The following FANCA variants were observed in gnomAD, a reference collection of about 807,000 sequenced individuals.
FANCA encodes the protein FA complementation group A.
Under a neutral mutation model 194.3 loss-of-function variants are expected in FANCA, and 236 were observed. That is an observed-to-expected ratio of 1.21 (90% CI 1.09 to 1.35). FANCA has a LOEUF of 1.35. Among genes scored for constraint, FANCA ranks in the 40% most tolerant of loss-of-function variants. The pLI, the probability that FANCA is intolerant of heterozygous loss-of-function variation, is 0.00. For missense variants in FANCA, 2,628 were observed against 1,813.9 expected, an observed-to-expected ratio of 1.45 and a Z score of -8.15; for synonymous variants, 1,014 against 715.8, an observed-to-expected ratio of 1.42 and a Z score of -6.65.
chr16:89,743,008 T>A lies in FANCA; in HGVS notation c.3627-70A>T, dbSNP rs945677033. 6 of 1,563,158 alleles carry A rather than the reference T, an allele frequency of 3.8e-6. No individual in the cohort carries two copies. In the African/African-American group the frequency reaches 8.2e-5, roughly 21 times the overall value. On this transcript the variant is annotated intron_variant, in intron 36 of 42. Transcript: ENST00000389301. ...CAACCACGCCATAGAAACCAAGTCC[T>A]TATTCCCACCTGTCACCTTTGGGGC...
At chr16:89,766,793 AG>A (rs1365068145) in intron 27 of FANCA, among the ~76,000 whole-genome samples, 1 of 152,220 alleles carries the variant, frequency 6.6e-6, no homozygotes, top group Non-Finnish European at 1.5e-5. Context: ...TCTTCTTTCC[AG>A]GGAAAGATAC....
At chr16:89,739,860 T>G in intron 39 of FANCA, 134 bp downstream of exon 39, 1 of 1,533,998 alleles carries the variant, frequency 6.5e-7, no homozygotes, top group Non-Finnish European at 8.7e-7. Flanking sequence ...TTGTGCTTAA[T>G]CTGTCCCAAC....
At chr16:89,798,559 G>C (rs1272051637) in intron 10 of FANCA, 19 of 1,134,466 alleles carry the variant, frequency 1.7e-5, no homozygotes, top group East Asian at 4.1e-5. Flanking sequence ...GCCCACACTA[G>C]AGGGAAGCAA....
rs935242999 is a variant in FANCA at position 89,737,591 on chromosome 16, A to C, written c.*1010T>G. 2.4e-6 allele frequency: 2 copies of C among 827,060 alleles called. No homozygotes were observed. Among genetic ancestry groups the C allele is most frequent in the African/African-American group, 3.4e-5 (2 of 58,156 alleles). The allele number at this position is 827,060 out of a possible 1,614,324, so 51.2% of individuals were successfully genotyped here. A position where few individuals can be genotyped will look rare whatever the true frequency, so the allele number is the denominator to read the frequency against. On this transcript the variant is annotated 3_prime_UTR_variant, in exon 43 of 43. Transcript: ENST00000389301. ...TGAGGTTTCTTTAAAAACCATCCTG[A>C]AATGCACACAGCTGATGAAGCCACG...
intron 15 of FANCA, among the ~76,000 whole-genome samples, chr16:89,784,497 G>C (rs955403519): frequency 3.3e-5 from 5 of 150,862 alleles, no homozygotes; most frequent in African/African-American, 1.2e-4. Flanking sequence ...CTGCGTAACT[G>C]GGTGCTGAGA....
Position 89,791,399 on chromosome 16 carries a change from T to C in FANCA, c.1359+4A>G, listed in dbSNP as rs35476732. ...ATTAGGTAGCCGATTGGCAGGTCAC[T>C]TACCTTGAACCAGTCTGCATATGAC... On this transcript the variant is annotated splice_donor_region_variant and intron_variant, in intron 14 of 42. Transcript: ENST00000389301. The C allele has an allele frequency of 1.9e-6, 3 of 1,613,646 alleles. No individual in the cohort carries two copies.
At chr16:89,760,328 G>C (rs1047234093) in intron 29 of FANCA, among the ~76,000 whole-genome samples, 20 of 152,220 alleles carry the variant, frequency 1.3e-4, no homozygotes, top group African/African-American at 3.9e-4. Flanking sequence ...TTTTCTTTTT[G>C]TGGCCCCTAT....
intron 17 of FANCA, among the ~76,000 whole-genome samples, chr16:89,781,763 G>A (rs972838763): frequency 2.0e-5 from 3 of 151,606 alleles, no homozygotes; most frequent in Non-Finnish European, 4.4e-5. Flanking sequence ...ACTTTGAGAG[G>A]CCGAGACGGG....
intron 18 of FANCA, among the ~76,000 whole-genome samples, chr16:89,779,302 TG>T (rs1353969478): frequency 6.6e-6 from 1 of 152,138 alleles, no homozygotes; most frequent in Non-Finnish European, 1.5e-5. Flanking sequence ...GCAATTTCCT[TG>T]GAGCTAAATT....
intron 5 of FANCA, among the ~76,000 whole-genome samples, chr16:89,809,941 G>A (rs1038769845): frequency 6.6e-6 from 1 of 152,014 alleles, no homozygotes; most frequent in Non-Finnish European, 1.5e-5. Flanking sequence ...CAGGACAATC[G>A]CTTGAACCTG....
Position 89,792,017 on chromosome 16 carries a change from G to T in FANCA, c.1135C>A (p.Leu379Met). Residue 379 changes from leucine to methionine, a missense_variant, in exon 13 of 43, where the codon CTG becomes ATG. Leu to Met is a conservative substitution (Grantham distance 15, BLOSUM62 2). Transcript: ENST00000389301. The part of the protein sequence containing the change: ...EELVGHLQEV[L>M]ETQEVHWQRV... ...TGCCAGTGAACCTCCTGCGTTTCCAGAACTTCTTGCAAATGGCCAACCAAC... is the reference window on the plus strand; with the variant it reads ...TGCCAGTGAACCTCCTGCGTTTCCATAACTTCTTGCAAATGGCCAACCAAC... 1 of 1,614,220 alleles carries T rather than the reference G, an allele frequency of 6.2e-7. No individual in the cohort carries two copies. The highest frequency in any genetic ancestry group is 8.5e-7 in the Non-Finnish European group (1 of 1,180,046).
chr16:89,810,899 C>T, intron 4 of FANCA, 30 bp downstream of exon 4: 1 of 1,614,132 alleles, frequency 6.2e-7, no homozygotes, highest in Non-Finnish European at 8.5e-7. Flanking sequence ...TAACAACGGG[C>T]AGGTTTCCTC....
At chr16:89,799,083 GA>G (rs1567641671) in intron 10 of FANCA, 82 bp downstream of exon 10, 1 of 1,614,212 alleles carries the variant, frequency 6.2e-7, no homozygotes, top group Non-Finnish European at 8.5e-7. Context: ...TGAAGCTCTG[GA>G]AGTGTTTAAA....
At chr16:89,812,509 G>C (rs1352364422) in intron 3 of FANCA, among the ~76,000 whole-genome samples, 2 of 151,384 alleles carry the variant, frequency 1.3e-5, no homozygotes, top group Non-Finnish European at 2.9e-5. Flanking sequence ...AGCCAGGCGT[G>C]GTGGTGCATG....
At position 89,766,575 on chromosome 16, in the gene FANCA, T is replaced by C. The variant is rs2039135093; in HGVS notation, c.2601+566A>G. Among the ~76,000 whole-genome samples the C allele has an allele frequency of 3.3e-5, 5 of 151,622 alleles. No homozygotes were observed. The South Asian group carries it at 1.0e-3, about 32-fold the overall frequency. ...AAAACATACAAAACAATTAGCCGGG[T>C]ATGGTGGCACGTGCCTGTAATCCCA... is the stretch of plus-strand genomic sequence containing the variant. On this transcript the variant is annotated intron_variant, in intron 27 of 42. Transcript: ENST00000389301.
intron 8 of FANCA, among the ~76,000 whole-genome samples, chr16:89,800,621 G>A (rs1219270141): frequency 6.6e-6 from 1 of 152,178 alleles, no homozygotes; most frequent in Non-Finnish European, 1.5e-5. Flanking sequence ...AAAGAACAAA[G>A]CTATAGAATA....
In FANCA at chr16:89,803,246, CTT is replaced by C; in HGVS notation, c.792+11_792+12del. 1 of 1,613,488 alleles carries C rather than the reference CTT, an allele frequency of 6.2e-7. No individual in the cohort carries two copies. Among genetic ancestry groups the C allele is most frequent in the Non-Finnish European group, 8.5e-7 (1 of 1,179,372 alleles). ...TCCTTCCGCTAAACTCTTCACTTGACTTTTCCTCCTACCTGCGGCATTTTTTC... is the reference window on the plus strand; with the variant it reads ...TCCTTCCGCTAAACTCTTCACTTGACTTCCTCCTACCTGCGGCATTTTTTC... On this transcript the variant is annotated intron_variant, in intron 8 of 42. Coordinates refer to ENST00000389301, the MANE Select transcript of FANCA (RefSeq NM_000135.4).
Position 89,783,078 on chromosome 16 carries a change from C to T in FANCA, c.1495G>A (p.Val499Ile). Reference sequence around the variant, plus strand: ...AGGAGGGAGCGGTACTTGCCGGGAACCAGGGGTGGGTGGAGAATGTGCACC... The same window carrying T: ...AGGAGGGAGCGGTACTTGCCGGGAATCAGGGGTGGGTGGAGAATGTGCACC... ...LQVHILHPPL[V>I]PGKYRSLLTD... Residue 499 changes from valine to isoleucine, a missense_variant, in exon 16 of 43, where the codon GTT becomes ATT. By Grantham distance (29) the Val-to-Ile change is conservative (BLOSUM62 3). Coordinates refer to ENST00000389301, the MANE Select transcript of FANCA (RefSeq NM_000135.4). 6.2e-7 allele frequency: 1 copy of T among 1,613,776 alleles called. No individual in the cohort carries two copies. Among genetic ancestry groups the T allele is most frequent in the Non-Finnish European group, 8.5e-7 (1 of 1,179,794 alleles).
In FANCA at chr16:89,782,933, C is replaced by G. The variant is rs748616829; in HGVS notation, c.1567-15G>C. The G allele has an allele frequency of 1.2e-5, 19 of 1,613,594 alleles. No homozygotes were observed. The highest frequency in any genetic ancestry group is 1.6e-5 in the Non-Finnish European group (19 of 1,179,656). On this transcript the variant is annotated splice_polypyrimidine_tract_variant and intron_variant, in intron 16 of 42. Coordinates refer to ENST00000389301, the MANE Select transcript of FANCA (RefSeq NM_000135.4). ...TCTATAGAAACCTTCAGGGAAGACACAGAATGAGAACAAGAAAACAAAGCA... is the reference window on the plus strand; with the variant it reads ...TCTATAGAAACCTTCAGGGAAGACAGAGAATGAGAACAAGAAAACAAAGCA...
Sources: allele counts gnomAD v4.1 joint callset (sites outside exome capture counted in the v4.1 genomes callset), GRCh38; gene constraint gnomAD v4.1.1; transcripts MANE v1.5; gene names NCBI Gene and HGNC (gene_info 2026-07-23, HGNC 2026-07-21).